Variants in ZFAT observed in about 807,000 individuals in gnomAD.
ZFAT encodes the protein zinc finger and AT-hook domain containing.
In ZFAT, 64 loss-of-function variants were observed where a neutral mutation model predicts 117.7. That is an observed-to-expected ratio of 0.54 (90% CI 0.44 to 0.67). The LOEUF is 0.67. ZFAT is among the 30% of genes least tolerant of loss of function. The probability of loss-of-function intolerance (pLI) is 0.00; values close to 1 mark genes in which losing one functional copy is unlikely to be tolerated. For missense variants in ZFAT, 1,433 were observed against 1,584.5 expected (o/e 0.90, Z 1.62); for synonymous variants, 679 against 615.0 (o/e 1.10, Z -1.54).
chr8:134,702,386 A>C (rs115915393), intron 1 of ZFAT, among the ~76,000 whole-genome samples: 417 of 152,288 alleles, frequency 2.7e-3, no homozygotes, highest in African/African-American at 9.6e-3. Context: ...CTGCATTTCC[A>C]CCCAAATTTC....
At chr8:134,794,533 A>C in the ZFAT span, 4 of 152,200 alleles carry the variant, frequency 2.6e-5, no homozygotes, top group African/African-American at 9.7e-5. Context: ...AAAGCTTTTT[A>C]GGCACTCTGA....
chr8:134,542,598 C>T (rs1407012825), intron 11 of ZFAT, among the ~76,000 whole-genome samples: 2 of 152,224 alleles, frequency 1.3e-5, no homozygotes, highest in Non-Finnish European at 2.9e-5. Flanking sequence ...TGGCCTCCAG[C>T]TTGATCCATG....
At chr8:134,516,654 G>A (rs1008964368) in intron 13 of ZFAT, among the ~76,000 whole-genome samples, 1 of 152,110 alleles carries the variant, frequency 6.6e-6, no homozygotes, top group African/African-American at 2.4e-5. Flanking sequence ...AGGCAACAAA[G>A]AGAAATCCTG....
At chr8:134,584,763 G>C (rs1825948800) in intron 9 of ZFAT, among the ~76,000 whole-genome samples, 1 of 151,936 alleles carries the variant, frequency 6.6e-6, no homozygotes, top group Non-Finnish European at 1.5e-5. Flanking sequence ...ATTGTGTGAT[G>C]TGCTATAGGG....
At chr8:134,670,085 T>C (rs371178406) in intron 1 of ZFAT, among the ~76,000 whole-genome samples, 1 of 151,528 alleles carries the variant, frequency 6.6e-6, no homozygotes, top group Non-Finnish European at 1.5e-5. Context: ...AATACAGGAG[T>C]ACCCAGATTC....
At chr8:134,824,425 C>T in the ZFAT span, among the ~76,000 whole-genome samples, 7 of 152,268 alleles carry the variant, frequency 4.6e-5, no homozygotes, top group South Asian at 4.1e-4. Context: ...TAGAGGCTAT[C>T]GTATTTTTAA....
At chr8:134,494,192 G>A (rs1209133830) in intron 15 of ZFAT, among the ~76,000 whole-genome samples, 1 of 152,130 alleles carries the variant, frequency 6.6e-6, no homozygotes, top group African/African-American at 2.4e-5. Flanking sequence ...GCACAGCTGT[G>A]CGGCTGTTGG....
chr8:134,746,993 C>A, the ZFAT span, among the ~76,000 whole-genome samples: 117,957 of 152,166 alleles, frequency 0.78, 45,826 homozygotes, highest in African/African-American at 0.82. Flanking sequence ...GTCACTACTA[C>A]TGATTATAAA....
the ZFAT span, among the ~76,000 whole-genome samples, chr8:134,817,200 G>T: frequency 1.3e-5 from 2 of 151,938 alleles, 1 homozygote; most frequent in South Asian, 4.1e-4. Context: ...TAACATGGGT[G>T]GGCCTCATCC....
chr8:134,502,436 T>C (rs1226662107), intron 15 of ZFAT, among the ~76,000 whole-genome samples: 1 of 152,236 alleles, frequency 6.6e-6, no homozygotes, highest in Non-Finnish European at 1.5e-5. Flanking sequence ...TAGAGTGCCT[T>C]TTCTTGCAAA....
At chr8:134,657,876 C>T in intron 1 of ZFAT, 139 bp from the exon 2 acceptor site, 1 of 907,004 alleles carries the variant, frequency 1.1e-6, no homozygotes, top group Non-Finnish European at 1.6e-6. Context: ...CTGGCAGTCA[C>T]CTCCATGGCA....
the ZFAT span, among the ~76,000 whole-genome samples, chr8:134,824,671 T>C: frequency 1.3e-5 from 2 of 152,232 alleles, no homozygotes; most frequent in African/African-American, 4.8e-5. Context: ...CAATAATTCA[T>C]TCTAGTAGTT....
At chr8:134,502,832 G>C (rs1052570498) in intron 15 of ZFAT, among the ~76,000 whole-genome samples, 2 of 152,226 alleles carry the variant, frequency 1.3e-5, no homozygotes, top group Non-Finnish European at 2.9e-5. Context: ...ATGGGGAAGA[G>C]GTGGGTGCCC....
intron 1 of ZFAT, among the ~76,000 whole-genome samples, chr8:134,700,523 C>T (rs1273031091): frequency 6.6e-6 from 1 of 152,228 alleles, no homozygotes; most frequent in African/African-American, 2.4e-5. Flanking sequence ...GCACACTCCC[C>T]TCCCTCCACC....
chr8:134,756,447 C>T, the ZFAT span, among the ~76,000 whole-genome samples: 1 of 152,232 alleles, frequency 6.6e-6, no homozygotes. Flanking sequence ...GGGACACAAA[C>T]ACAGGTCCCA....
At chr8:134,736,366 G>T in the ZFAT span, among the ~76,000 whole-genome samples, 1 of 152,220 alleles carries the variant, frequency 6.6e-6, no homozygotes. Context: ...CATATCAGAG[G>T]TTTCGGGGAT....
At chr8:134,580,802 C>G (rs561235139) in intron 10 of ZFAT, among the ~76,000 whole-genome samples, 1 of 152,208 alleles carries the variant, frequency 6.6e-6, no homozygotes, top group East Asian at 1.9e-4. Context: ...AACCACATAC[C>G]ATACGCTAAA....
the ZFAT span, among the ~76,000 whole-genome samples, chr8:134,734,913 C>T: frequency 2.0e-4 from 31 of 152,174 alleles, no homozygotes. Flanking sequence ...ATAGCCCTGT[C>T]CTGCCTCCAC....
rs1816999529 is a variant in ZFAT at position 134,478,019 on chromosome 8, TA to T, written c.*462del. ...TACCCCCACCCCACCCAGCAGTGAT[TA>T]AAAACCCGTACGGTCACTTTCTATG... On this transcript the variant is annotated 3_prime_UTR_variant, in exon 16 of 16. Transcript: ENST00000377838. This position sits in a 1 kb window ranked among gnomAD's most constrained non-coding sequence, Gnocchi z 5.2. 5.7e-6 allele frequency: 1 copy of T among 174,786 alleles called. No homozygotes were observed. Among genetic ancestry groups the T allele is most frequent in the South Asian group, 1.5e-4 (1 of 6,836 alleles). The allele number at this position is 174,786 out of a possible 1,614,324, so 10.8% of individuals were successfully genotyped here.
Sources: gnomAD v4.1 joint callset for allele counts (sites outside exome capture counted in the v4.1 genomes callset) on GRCh38, gnomAD v4.1.1 for gene constraint, Gnocchi (gnomAD v3.1) non-coding constraint, MANE v1.5 for transcripts, NCBI Gene and HGNC (gene_info 2026-07-23, HGNC 2026-07-21) for gene names.